NRXN2: variants seen among roughly 807,000 people sequenced by gnomAD.
The protein encoded by NRXN2 is neurexin-2-beta.
NRXN2 carries 29 observed loss-of-function variants against 128.8 expected under a neutral mutation model. The ratio of observed to expected loss-of-function variants is 0.23; its 90% CI spans 0.17 to 0.31. The LOEUF (loss-of-function observed/expected upper bound fraction) is 0.31, where lower values mean the gene tolerates loss of function less well. Ranked by LOEUF, NRXN2 falls within the 10% of genes least tolerant of loss-of-function variation. The pLI, the probability that NRXN2 is intolerant of heterozygous loss-of-function variation, is 1.00. For missense variants in NRXN2, 1,881 were observed against 2,452.6 expected (o/e 0.77, Z 4.92); for synonymous variants, 1,098 against 1,075.2 (o/e 1.02, Z -0.41).
rs762226160 is a variant in NRXN2 at position 64,607,730 on chromosome 11, C to T, written c.4605G>A (p.Arg1535=). 6.4e-6 allele frequency: 10 copies of T among 1,566,980 alleles called. No homozygotes were observed. The highest frequency in any genetic ancestry group is 7.8e-6 in the Non-Finnish European group (9 of 1,156,258). ...TGGCCCCATCTGTCCTGAGGTTGGGCCGGGGAGCGGGTTTGCGGGGTGACA... is the reference window on the plus strand; with the variant it reads ...TGGCCCCATCTGTCCTGAGGTTGGGTCGGGGAGCGGGTTTGCGGGGTGACA... ...TLLSPRKPAP[R]PNLRTDGATG... is the part of the protein sequence containing the mutation. Residue 1535 remains arginine (R), a synonymous_variant, in exon 23 of 23, where the codon CGG becomes CGA. Coordinates refer to ENST00000265459, the MANE Select transcript of NRXN2 (RefSeq NM_015080.4).
Position 64,713,264 on chromosome 11 carries a change from C to A in NRXN2, c.436G>T (p.Val146Leu). Residue 146 changes from valine to leucine, a missense_variant, in exon 2 of 23, where the codon GTG (valine) becomes TTG (leucine). This residue lies in a region of NRXN2 where 997 missense variants were observed against 1,240.8 expected (regional missense o/e 0.80). Coordinates refer to ENST00000265459, the MANE Select transcript of NRXN2 (RefSeq NM_015080.4). ...CCGCCCACGAACAGGTCGCTGGCCA[C>A]CTGCATCTCGCGCCGCTTGGAGCGC... ...EVRSKRREMQVASDLFVGGIP... is the reference protein window; with the variant it reads ...EVRSKRREMQLASDLFVGGIP... 7.0e-7 allele frequency: 1 copy of A among 1,424,318 alleles called. No individual in the cohort carries two copies. The highest frequency in any genetic ancestry group is 3.1e-5 in the East Asian group (1 of 32,292). The allele number at this position is 1,424,318 out of a possible 1,614,324, so 88.2% of individuals were successfully genotyped here.
At chr11:64,612,617 C>T (rs1355497598) in intron 22 of NRXN2, among the ~76,000 whole-genome samples, 1 of 152,250 alleles carries the variant, frequency 6.6e-6, no homozygotes, top group Non-Finnish European at 1.5e-5. Flanking sequence ...GCTGGCCCAA[C>T]AAAGTTAGCC....
At chr11:64,688,770 T>C (rs1592130677) in intron 5 of NRXN2, 1 of 985,282 alleles carries the variant, frequency 1.0e-6, no homozygotes, top group South Asian at 4.7e-5. Context: ...GTTGTTGTGG[T>C]CCTGCATTTC....
rs1329766163 is a variant in NRXN2, at chr11:64,632,345, G to A, written c.3586-1772C>T. On this transcript the variant is annotated intron_variant, in intron 18 of 22. Transcript: ENST00000265459. The surrounding 1 kb of genome is among the most constrained non-coding windows in gnomAD (Gnocchi z 4.2). ...CTCTCCTCAGATGCAGTAAAGCAGG[G>A]AAACTGAGGCTGGGCTTGCCTAACA... Among the ~76,000 whole-genome samples, 1 of 152,206 alleles carries A rather than the reference G, an allele frequency of 6.6e-6. No homozygotes were observed. Among genetic ancestry groups the A allele is most frequent in the Non-Finnish European group, 1.5e-5 (1 of 68,020 alleles).
chr11:64,615,224 G>A (rs760420440), intron 22 of NRXN2, among the ~76,000 whole-genome samples: 16 of 152,246 alleles, frequency 1.1e-4, no homozygotes, highest in Non-Finnish European at 1.6e-4. Context: ...AACTCAGGAA[G>A]TCACCTGTTG....
rs766015744 is a variant in NRXN2 at position 64,668,610 on chromosome 11, C to T, written c.1198-6G>A. 2 of 1,613,252 alleles carry T rather than the reference C, an allele frequency of 1.2e-6. No homozygotes were observed. Among genetic ancestry groups the T allele is most frequent in the Non-Finnish European group, 8.5e-7 (1 of 1,180,022 alleles). The stretch of plus-strand genomic sequence containing the variant: ...CCGTCCACCGAGATGGTCACCTGTC[C>T]AGCCCAGGAGGGAGGGAGAAAGACA... On this transcript the variant is annotated splice_region_variant and splice_polypyrimidine_tract_variant and intron_variant, in intron 7 of 22. Transcript: ENST00000265459.
At chr11:64,701,128 C>G (rs2055291598) in intron 2 of NRXN2, among the ~76,000 whole-genome samples, 1 of 152,186 alleles carries the variant, frequency 6.6e-6, no homozygotes, top group South Asian at 2.1e-4. Context: ...AGATGATGCC[C>G]TCTACCGCCA....
At chr11:64,618,531 C>T (rs571466550) in intron 22 of NRXN2, among the ~76,000 whole-genome samples, 7 of 152,324 alleles carry the variant, frequency 4.6e-5, no homozygotes, top group African/African-American at 1.7e-4. Flanking sequence ...TCCAGCAGGC[C>T]TGGGCTAGCA....
At chr11:64,655,066 C>A (rs1236156318) in intron 11 of NRXN2, among the ~76,000 whole-genome samples, 1 of 152,228 alleles carries the variant, frequency 6.6e-6, no homozygotes, top group Non-Finnish European at 1.5e-5. Flanking sequence ...CCCAAATAGG[C>A]TCTGCCTACC....
intron 7 of NRXN2, among the ~76,000 whole-genome samples, chr11:64,671,727 A>G (rs1436733928): frequency 6.6e-6 from 1 of 152,106 alleles, no homozygotes; most frequent in East Asian, 1.9e-4. Context: ...GGGTGCAGGT[A>G]GGGAGAGCTT....
intron 2 of NRXN2, among the ~76,000 whole-genome samples, chr11:64,699,420 G>GTTTTT (rs1592201705): frequency 5.8e-5 from 3 of 51,588 alleles, no homozygotes; most frequent in African/African-American, 2.2e-4. Flanking sequence ...ATGTCTAATA[G>GTTTTT]TTTTCTTTTT....
intron 7 of NRXN2, chr11:64,676,709 G>A (rs2051369198): frequency 3.7e-6 from 2 of 541,282 alleles, no homozygotes; most frequent in Non-Finnish European, 6.6e-6. Flanking sequence ...GGTCTCTCTG[G>A]CCAGGAATCT....
Position 64,651,488 on chromosome 11 carries a change from C to T in NRXN2, c.2685G>A (p.Gln895=). The change falls in exon 14 of 23, where the codon CAG becomes CAA. Residue 895 remains glutamine (Q), a synonymous_variant. Coordinates refer to ENST00000265459, the MANE Select transcript of NRXN2 (RefSeq NM_015080.4). The surrounding 1 kb of genome is among the most constrained non-coding windows in gnomAD (Gnocchi z 5.9). ...AGTAGGTGATGTCACCATCCTTGCA[C>T]TGGTCCATGTAGGGCTGGCCATTGA... ...LVFNGQPYMD[Q]CKDGDITYCE... is the part of the protein sequence containing the mutation. 6.2e-7 allele frequency: 1 copy of T among 1,614,220 alleles called. No individual in the cohort carries two copies.
At chr11:64,708,860 T>C (rs942517895) in intron 2 of NRXN2, among the ~76,000 whole-genome samples, 1 of 152,088 alleles carries the variant, frequency 6.6e-6, no homozygotes, top group Non-Finnish European at 1.5e-5. Flanking sequence ...ATAAAAATAA[T>C]AACTGGAAGG....
At position 64,651,436 on chromosome 11, in the gene NRXN2, G is replaced by A. The variant is rs1342610035; in HGVS notation, c.2737C>T (p.Arg913Cys). The A allele has an allele frequency of 5.0e-6, 8 of 1,614,174 alleles. No homozygotes were observed. The highest frequency in any genetic ancestry group is 1.7e-5 in the Admixed American group (1 of 60,026). The change falls in exon 14 of 23, where the codon CGT (arginine) becomes TGT (cysteine). Residue 913 changes from arginine (R) to cysteine (C), a missense_variant. This residue lies in a region of NRXN2 where 390 missense variants were observed against 599.6 expected (regional missense o/e 0.65). Coordinates refer to ENST00000265459, the MANE Select transcript of NRXN2 (RefSeq NM_015080.4). The surrounding 1 kb of genome is among the most constrained non-coding windows in gnomAD (Gnocchi z 5.9). ...GTGACGGGATCGGCCACGATGGCAC[G>A]CAGGCCAAAGCGAGCATTGAGCTCA... ...YCELNARFGL[R>C]AIVADPVTFK...
At chr11:64,678,294 A>G (rs1365705471) in intron 6 of NRXN2, among the ~76,000 whole-genome samples, 1 of 151,716 alleles carries the variant, frequency 6.6e-6, no homozygotes, top group African/African-American at 2.4e-5. Context: ...TCCACCTTGA[A>G]TTTTCAGAAC....
intron 17 of NRXN2, chr11:64,643,436 T>G (rs2135423118): frequency 2.2e-4 from 27 of 122,918 alleles, no homozygotes; most frequent in South Asian, 3.1e-4. Context: ...GAGGAGGGGA[T>G]AGGAGAGGAG....
chr11:64,690,007 G>A (rs557127987), intron 5 of NRXN2, among the ~76,000 whole-genome samples: 3 of 152,340 alleles, frequency 2.0e-5, no homozygotes, highest in African/African-American at 7.2e-5. Context: ...GCTGGCCACA[G>A]CTCCCAATCA....
At chr11:64,615,866 G>A in intron 22 of NRXN2, among the ~76,000 whole-genome samples, 1 of 150,252 alleles carries the variant, frequency 6.7e-6, no homozygotes, top group African/African-American at 2.5e-5. Flanking sequence ...GTGTGTGTGT[G>A]TGTATGTGTA....
Sources: allele counts gnomAD v4.1 joint callset (sites outside exome capture counted in the v4.1 genomes callset), GRCh38; gene constraint gnomAD v4.1.1; regional missense constraint gnomAD v4.1.1; non-coding constraint Gnocchi (gnomAD v3.1); transcripts MANE v1.5; gene names NCBI Gene and HGNC (gene_info 2026-07-23, HGNC 2026-07-21).